Variants in TM9SF4 observed in about 807,000 individuals in gnomAD.
TM9SF4 encodes the protein transmembrane 9 superfamily member 4, also known as dinucleotide oxidase disulfide thiol exchanger 3 superfamily member 4.
In TM9SF4, 26 loss-of-function variants were observed where a neutral mutation model predicts 90.4. The ratio of observed to expected loss-of-function variants is 0.29; its 90% CI spans 0.21 to 0.40. The LOEUF (loss-of-function observed/expected upper bound fraction) is 0.40, where lower values mean the gene tolerates loss of function less well. TM9SF4 is among the 10% of genes least tolerant of loss of function. The pLI is 1.00. For missense variants in TM9SF4, 549 were observed against 834.8 expected (o/e 0.66, Z 4.22); for synonymous variants, 293 against 315.4 (o/e 0.93, Z 0.75).
At chr20:32,110,126 C>G (rs1209419198) in intron 1 of TM9SF4, 1 of 1,051,430 alleles carries the variant, frequency 9.5e-7, no homozygotes, top group Non-Finnish European at 1.2e-6. Flanking sequence ...TCCTCCCCGT[C>G]ACGTCCAGAC....
chr20:32,116,994 G>A (rs1269080719), intron 1 of TM9SF4, among the ~76,000 whole-genome samples: 1 of 150,342 alleles, frequency 6.7e-6, no homozygotes, highest in East Asian at 1.9e-4. Flanking sequence ...TGCCGAGGTC[G>A]GAGTGGGTCA....
Position 32,150,818 on chromosome 20 carries a change from T to C in TM9SF4, c.1188T>C (p.Ser396=), listed in dbSNP as rs2046831524. ...FMFMGVFGGF[S]AGRLYRTLKG... Reference sequence around the variant, plus strand: ...CCCACAGGGTGTTTGGCGGATTTTCTGCTGGCCGTCTGTACCGCACTTTAA... The same window carrying C: ...CCCACAGGGTGTTTGGCGGATTTTCCGCTGGCCGTCTGTACCGCACTTTAA... The change falls in exon 12 of 18, where the codon TCT becomes TCC. Residue 396 remains serine (S), a synonymous_variant. Transcript: ENST00000398022. 1.9e-6 allele frequency: 3 copies of C among 1,614,132 alleles called. No individual in the cohort carries two copies. The highest frequency in any genetic ancestry group is 1.1e-5 in the South Asian group (1 of 91,088).
In TM9SF4 at chr20:32,142,911, CA is replaced by C. The variant is rs374214147; in HGVS notation, c.529-69del. On this transcript the variant is annotated intron_variant, in intron 5 of 17. Transcript: ENST00000398022. ...GTACAACCAGGCATGCTGGGTGAGG[CA>C]AGGGCCCTAATACCTGGAGAGTATC... 51 of 1,580,696 alleles carry C rather than the reference CA, an allele frequency of 3.2e-5. No individual in the cohort carries two copies. The African/African-American group carries it at 5.9e-4, about 18-fold the overall frequency.
chr20:32,161,189 A>G (rs950519444), intron 16 of TM9SF4, 87 bp from the exon 17 acceptor site: 36 of 1,071,562 alleles, frequency 3.4e-5, no homozygotes, highest in Non-Finnish European at 4.2e-5. Context: ...CTCTTACCAG[A>G]GTCTTCAGCC....
At chr20:32,130,511 G>T (rs1187497513) in intron 1 of TM9SF4, among the ~76,000 whole-genome samples, 1 of 152,154 alleles carries the variant, frequency 6.6e-6, no homozygotes, top group Non-Finnish European at 1.5e-5. Flanking sequence ...TGACACATGA[G>T]GGTTGGCAAA....
chr20:32,119,530 ATT>A (rs1416534647), intron 1 of TM9SF4, among the ~76,000 whole-genome samples: 2 of 123,194 alleles, frequency 1.6e-5, no homozygotes, highest in Admixed American at 1.6e-4. Context: ...TCGGATTGTC[ATT>A]TTCTTATTAA....
intron 13 of TM9SF4, 58 bp downstream of exon 13, chr20:32,155,244 CA>C: frequency 2.8e-6 from 4 of 1,405,024 alleles, no homozygotes; most frequent in Non-Finnish European, 4.0e-6. Flanking sequence ...CAGTTGCACT[CA>C]GCCCTACTCC....
rs781256466 is a variant in TM9SF4 at position 32,141,561 on chromosome 20, G to C, written c.294G>C (p.Lys98Asn). Reference sequence around the variant, plus strand: ...TCCAGGTTCTCATGAACAGCGAGAAGAAGTGTGAAGTTCTGTGCAGCCAGT... The same window carrying C: ...TCCAGGTTCTCATGAACAGCGAGAACAAGTGTGAAGTTCTGTGCAGCCAGT... The part of the protein sequence containing the change: ...TPFQVLMNSE[K>N]KCEVLCSQSN... Residue 98 changes from lysine to asparagine, a missense_variant, in exon 4 of 18, where the codon AAG becomes AAC. Physicochemically the swap from Lys to Asn is moderately conservative, Grantham distance 94. Transcript: ENST00000398022. The C allele has an allele frequency of 1.2e-6, 2 of 1,614,138 alleles. No homozygotes were observed. The highest frequency in any genetic ancestry group is 1.7e-6 in the Non-Finnish European group (2 of 1,180,032).
In TM9SF4 at chr20:32,163,258, A is replaced by T. The variant is rs6061199; in HGVS notation, c.1779+1893A>T. On this transcript the variant is annotated intron_variant, in intron 17 of 17. Coordinates refer to ENST00000398022, the MANE Select transcript of TM9SF4 (RefSeq NM_014742.4). Reference sequence around the variant, plus strand: ...AAGACTCCATCTCAAAAAAAAAAAAAAAAAAAAAAAATATATATATATATA... The same window carrying T: ...AAGACTCCATCTCAAAAAAAAAAAATAAAAAAAAAAATATATATATATATA... Among the ~76,000 whole-genome samples, 3 of 101,522 alleles carry T rather than the reference A, an allele frequency of 3.0e-5. No individual in the cohort carries two copies. The East Asian group carries it at 1.2e-3, about 40-fold the overall frequency. The allele number at this position is 101,522 out of a possible 152,430, so 66.6% of individuals were successfully genotyped here. A position where few individuals can be genotyped will look rare whatever the true frequency, so the allele number is the denominator to read the frequency against.
At chr20:32,118,297 G>A (rs1166641238) in intron 1 of TM9SF4, among the ~76,000 whole-genome samples, 2 of 152,120 alleles carry the variant, frequency 1.3e-5, no homozygotes, top group Non-Finnish European at 2.9e-5. Context: ...CCACATACCT[G>A]GTGCCAGAAT....
chr20:32,166,289 C>T lies in TM9SF4; in HGVS notation c.*845C>T, dbSNP rs2047097332. On this transcript the variant is annotated 3_prime_UTR_variant, in exon 18 of 18. Transcript: ENST00000398022. ...AAGTATTTCCCAAGCCAAGCATCCA[C>T]TTGTCTGTGTCTGGGAAGGGATGGC... 6.5e-6 allele frequency: 1 copy of T among 152,888 alleles called. No homozygotes were observed. Among genetic ancestry groups the T allele is most frequent in the African/African-American group, 2.4e-5 (1 of 41,472 alleles). 9.5% of individuals were successfully genotyped at this position (152,888 alleles called of 1,614,324 possible).
rs1020546392 is a variant in TM9SF4 at position 32,136,117 on chromosome 20, A to T, written c.173A>T (p.Tyr58Phe). ...TCTCGAACCCAGCTACCTTATGAAT[A>T]CTATTCACTGCCCTTCTGCCAGCCC... ...TSSRTQLPYE[Y>F]YSLPFCQPSK... The change falls in exon 3 of 18, where the codon TAC becomes TTC. Residue 58 changes from tyrosine (Y) to phenylalanine (F), a missense_variant. Physicochemically the swap from Tyr to Phe is conservative, Grantham distance 22 (BLOSUM62 3). Transcript: ENST00000398022. 24 of 1,614,048 alleles carry T rather than the reference A, an allele frequency of 1.5e-5. No individual in the cohort carries two copies. The highest frequency in any genetic ancestry group is 1.9e-5 in the Non-Finnish European group (22 of 1,180,030).
At chr20:32,126,172 TC>T (rs1569059345) in intron 1 of TM9SF4, among the ~76,000 whole-genome samples, 8 of 151,436 alleles carry the variant, frequency 5.3e-5, no homozygotes, top group African/African-American at 1.7e-4. Context: ...AATTCCTGAG[TC>T]TCCTCACTGC....
chr20:32,122,035 C>G (rs1420221502), intron 1 of TM9SF4, among the ~76,000 whole-genome samples: 1 of 140,428 alleles, frequency 7.1e-6, no homozygotes, highest in Non-Finnish European at 1.5e-5. Context: ...GGGGCTGACC[C>G]CCCCACCTCC....
chr20:32,143,148 CT>C, intron 6 of TM9SF4, 43 bp downstream of exon 6: 1 of 1,603,030 alleles, frequency 6.2e-7, no homozygotes, highest in Non-Finnish European at 8.5e-7. Context: ...CTGGATGGGC[CT>C]GGGCTTCTCC....
At position 32,109,740 on chromosome 20, in the gene TM9SF4, G is replaced by A. The variant is rs1569030404; in HGVS notation, c.-1G>A. 1.3e-6 allele frequency: 2 copies of A among 1,551,660 alleles called. No individual in the cohort carries two copies. Among genetic ancestry groups the A allele is most frequent in the Non-Finnish European group, 1.7e-6 (2 of 1,147,008 alleles). ...TCATTACGGCGACACGTGGATCCAA[G>A]ATGGCGACGGCGATGGTGAGTGAAG... On this transcript the variant is annotated 5_prime_UTR_variant, in exon 1 of 18. Coordinates refer to ENST00000398022, the MANE Select transcript of TM9SF4 (RefSeq NM_014742.4).
chr20:32,124,762 T>G (rs2046394507), intron 1 of TM9SF4, among the ~76,000 whole-genome samples: 1 of 152,054 alleles, frequency 6.6e-6, no homozygotes, highest in East Asian at 1.9e-4. Context: ...AATTTTTGTA[T>G]TTTTAGTAGA....
intron 1 of TM9SF4, among the ~76,000 whole-genome samples, chr20:32,117,223 CAAA>C (rs34453961): frequency 1.6e-3 from 108 of 68,250 alleles, no homozygotes; most frequent in African/African-American, 5.3e-3. Flanking sequence ...GACTCTGTCT[CAAA>C]AAAAAAAAAA....
At chr20:32,154,581 G>A (rs994650781) in intron 12 of TM9SF4, among the ~76,000 whole-genome samples, 2 of 152,250 alleles carry the variant, frequency 1.3e-5, no homozygotes, top group South Asian at 4.2e-4. Context: ...AGCCTCCCGA[G>A]TAGCTGAGAC....
Sources: allele counts gnomAD v4.1 joint callset (sites outside exome capture counted in the v4.1 genomes callset), GRCh38; gene constraint gnomAD v4.1.1; transcripts MANE v1.5; gene names NCBI Gene and HGNC (gene_info 2026-07-23, HGNC 2026-07-21).